HPSE2: variants seen among roughly 807,000 people sequenced by gnomAD.
HPSE2 encodes the protein inactive heparanase-2.
In HPSE2, 38 loss-of-function variants were observed where a neutral mutation model predicts 60.5. The observed-to-expected ratio is 0.63, with a 90% CI of 0.48 to 0.82. The LOEUF (loss-of-function observed/expected upper bound fraction) is 0.82. Among genes scored for constraint, HPSE2 ranks in the 40% least tolerant of loss-of-function variants. The probability of loss-of-function intolerance (pLI) is 0.00; values close to 1 mark genes in which losing one functional copy is unlikely to be tolerated. For missense variants in HPSE2, 713 were observed against 740.4 expected (o/e 0.96, Z 0.43); for synonymous variants, 295 against 293.2 (o/e 1.01, Z -0.06).
chr10:99,271,749 A>G, the HPSE2 span, among the ~76,000 whole-genome samples: 9 of 152,162 alleles, frequency 5.9e-5, no homozygotes, highest in Non-Finnish European at 1.3e-4. Flanking sequence ...CAAACTATAC[A>G]ATAAGGCCAT....
chr10:99,081,915 C>T lies in HPSE2; in HGVS notation c.610+62323G>A, dbSNP rs541384471. On this transcript the variant is annotated intron_variant, in intron 3 of 11. Coordinates refer to ENST00000370552, the MANE Select transcript of HPSE2 (RefSeq NM_021828.5). ...CCTCCCAAAGTGCTGGAATTACAGG[C>T]GTGAGCCACCCCGCCCAGCCGATGA... 6.6e-4 allele frequency among the ~76,000 whole-genome samples: 101 copies of T among 152,240 alleles called. 1 individual carries two copies. The highest frequency in any genetic ancestry group is 2.4e-3 in the African/African-American group (98 of 41,552).
chr10:98,459,658 G>A lies in HPSE2; in HGVS notation c.1695C>T (p.Ala565=), dbSNP rs1242964726. The part of the protein sequence containing the change: ...LPELKPRPLR[A]GRTLVIPPVT... ...CTGGAGGGATGACCAATGTCCGGCCGGCCCGAAGGGGGCGGGGCTTCAATT... is the reference window on the plus strand; with the variant it reads ...CTGGAGGGATGACCAATGTCCGGCCAGCCCGAAGGGGGCGGGGCTTCAATT... The change falls in exon 12 of 12, where the codon GCC becomes GCT. Residue 565 remains alanine, a synonymous_variant. Coordinates refer to ENST00000370552, the MANE Select transcript of HPSE2 (RefSeq NM_021828.5). 3.9e-5 allele frequency: 63 copies of A among 1,613,998 alleles called. No individual in the cohort carries two copies. The highest frequency in any genetic ancestry group is 6.7e-5 in the East Asian group (3 of 44,892).
intron 9 of HPSE2, among the ~76,000 whole-genome samples, chr10:98,563,342 A>G (rs1270842929): frequency 6.6e-6 from 1 of 152,310 alleles, no homozygotes; most frequent in African/African-American, 2.4e-5. Flanking sequence ...GATTTAATAC[A>G]TAAGAAATGT....
At chr10:99,184,380 C>A (rs937370135) in intron 2 of HPSE2, among the ~76,000 whole-genome samples, 22 of 151,822 alleles carry the variant, frequency 1.4e-4, no homozygotes, top group African/African-American at 5.3e-4. Flanking sequence ...TAAAAATTAG[C>A]CAGGCTTGGT....
At chr10:98,761,973 T>C (rs2489836) in intron 3 of HPSE2, among the ~76,000 whole-genome samples, 120,244 of 147,768 alleles carry the variant, frequency 0.81, 49,423 homozygotes, top group African/African-American at 0.9. Context: ...TCATTTACCT[T>C]CCCTCCCCTC....
chr10:98,569,310 C>A (rs1333253961), intron 9 of HPSE2, among the ~76,000 whole-genome samples: 1 of 152,094 alleles, frequency 6.6e-6, no homozygotes, highest in Non-Finnish European at 1.5e-5. Flanking sequence ...ATCCACCCAC[C>A]TTGGCCCCCC....
intron 3 of HPSE2, among the ~76,000 whole-genome samples, chr10:99,069,870 C>G (rs1842732181): frequency 6.6e-6 from 1 of 151,800 alleles, no homozygotes. Flanking sequence ...ACTATACTTA[C>G]TTGAACAAAT....
chr10:99,094,561 T>A (rs1843651358), intron 3 of HPSE2, among the ~76,000 whole-genome samples: 1 of 99,702 alleles, frequency 1.0e-5, no homozygotes, highest in Admixed American at 1.1e-4. Context: ...TTTTTTTTTT[T>A]TTTTTTTTTT....
At chr10:98,969,999 G>A (rs995589933) in intron 3 of HPSE2, among the ~76,000 whole-genome samples, 3 of 151,016 alleles carry the variant, frequency 2.0e-5, no homozygotes, top group Non-Finnish European at 4.4e-5. Context: ...TTTTGCTCCT[G>A]TTGCCCAGCT....
chr10:99,017,420 G>A (rs2496703), intron 3 of HPSE2, among the ~76,000 whole-genome samples: 23,752 of 152,004 alleles, frequency 0.16, 2,055 homozygotes, highest in Middle Eastern at 0.23. Flanking sequence ...TGCTGAATTC[G>A]GTTTGCCAGT....
In HPSE2 at chr10:98,754,387, G is replaced by C. The variant is rs545437477; in HGVS notation, c.611-10331C>G. Among the ~76,000 whole-genome samples the C allele has an allele frequency of 5.5e-4, 83 of 152,142 alleles. 1 individual carries two copies. In the South Asian group the frequency reaches 6.6e-3, roughly 12 times the overall value. On this transcript the variant is annotated intron_variant, in intron 3 of 11. Transcript: ENST00000370552. ...AAAAAGACCAAATCTATGACTCGCT[G>C]GCATTCTTGAAAGGAGAGAGAGAGC...
At chr10:98,571,246 G>A (rs1272538417) in intron 9 of HPSE2, among the ~76,000 whole-genome samples, 1 of 152,156 alleles carries the variant, frequency 6.6e-6, no homozygotes, top group Admixed American at 6.5e-5. Context: ...GCTCATGCCT[G>A]TAATCTCAGC....
chr10:99,216,135 C>T (rs1048202490), intron 2 of HPSE2, among the ~76,000 whole-genome samples: 1 of 148,636 alleles, frequency 6.7e-6, no homozygotes, highest in Non-Finnish European at 1.5e-5. Flanking sequence ...TGAAACCATT[C>T]TGAAATGCAG....
intron 3 of HPSE2, among the ~76,000 whole-genome samples, chr10:98,780,494 A>G (rs1192196177): frequency 1.3e-5 from 2 of 152,196 alleles, no homozygotes; most frequent in African/African-American, 4.8e-5. Context: ...TATATCAATA[A>G]AACATCTTTT....
chr10:98,816,864 A>T (rs1951302551), intron 3 of HPSE2, among the ~76,000 whole-genome samples: 3 of 151,938 alleles, frequency 2.0e-5, no homozygotes, highest in African/African-American at 7.3e-5. Flanking sequence ...CTCCGTGTCA[A>T]TCTTTTTTTT....
At chr10:99,293,290 T>A in the HPSE2 span, among the ~76,000 whole-genome samples, 1 of 152,226 alleles carries the variant, frequency 6.6e-6, no homozygotes, top group Non-Finnish European at 1.5e-5. Context: ...GCAAATGGTA[T>A]AAGTTAGAAC....
chr10:99,271,689 GC>G, the HPSE2 span, among the ~76,000 whole-genome samples: 1 of 152,074 alleles, frequency 6.6e-6, no homozygotes, highest in Non-Finnish European at 1.5e-5. Flanking sequence ...CATAGCCAAA[GC>G]AAGGCTAAGC....
At chr10:99,112,129 G>A (rs1261663615) in intron 3 of HPSE2, among the ~76,000 whole-genome samples, 1 of 152,164 alleles carries the variant, frequency 6.6e-6, no homozygotes, top group Admixed American at 6.5e-5. Context: ...CAGAATACAT[G>A]CGAAGCAAAT....
At chr10:98,863,588 T>C (rs533451265) in intron 3 of HPSE2, among the ~76,000 whole-genome samples, 1 of 152,162 alleles carries the variant, frequency 6.6e-6, no homozygotes, top group Admixed American at 6.6e-5. Context: ...TGTAGCCTCC[T>C]GTTTCAAGTT....
Sources: gnomAD v4.1 joint callset for allele counts (sites outside exome capture counted in the v4.1 genomes callset) on GRCh38, gnomAD v4.1.1 for gene constraint, MANE v1.5 for transcripts, NCBI Gene and HGNC (gene_info 2026-07-23, HGNC 2026-07-21) for gene names.